The following RMST variants were observed in gnomAD, a reference collection of about 807,000 sequenced individuals.
RMST encodes the protein long intergenic non-protein coding RNA 54.
intron 5 of RMST, among the ~76,000 whole-genome samples, chr12:97,487,527 G>A (rs185469152): frequency 6.6e-5 from 10 of 152,248 alleles, no homozygotes; most frequent in Non-Finnish European, 1.2e-4. Context: ...TGAAAAGCAC[G>A]TTTGATGGAC....
At chr12:97,551,809 A>G (rs911136216) in intron 11 of RMST, 2 of 152,200 alleles carry the variant, frequency 1.3e-5, no homozygotes, top group Non-Finnish European at 1.5e-5. Flanking sequence ...GAAAAATTTA[A>G]GCCATGCTAT....
At chr12:97,476,803 G>T (rs1874602915) in intron 5 of RMST, among the ~76,000 whole-genome samples, 1 of 152,054 alleles carries the variant, frequency 6.6e-6, no homozygotes. Context: ...TAAAAAAAGA[G>T]ATATAGATAT....
At chr12:97,499,955 G>A (rs995229846) in intron 10 of RMST, among the ~76,000 whole-genome samples, 3 of 151,992 alleles carry the variant, frequency 2.0e-5, no homozygotes, top group Admixed American at 1.3e-4. Flanking sequence ...CATCATGCCC[G>A]GCCTATGTCT....
At chr12:97,516,550 T>C (rs1366203392) in intron 10 of RMST, among the ~76,000 whole-genome samples, 1 of 152,050 alleles carries the variant, frequency 6.6e-6, no homozygotes, top group Non-Finnish European at 1.5e-5. Flanking sequence ...TTTACTTTTT[T>C]CTTCATATTT....
intron 5 of RMST, among the ~76,000 whole-genome samples, chr12:97,490,225 T>C (rs1028900899): frequency 2.0e-5 from 3 of 152,144 alleles, no homozygotes; most frequent in Admixed American, 2.0e-4. Flanking sequence ...ATTCCACTCA[T>C]ATAGGAAGGA....
intron 11 of RMST, among the ~76,000 whole-genome samples, chr12:97,532,043 T>C (rs1177248172): frequency 6.6e-6 from 1 of 151,972 alleles, no homozygotes; most frequent in East Asian, 1.9e-4. Flanking sequence ...AGCCTTTCAG[T>C]GTCCAGATAA....
At chr12:97,539,003 AGTTAACT>A (rs1466899208) in intron 11 of RMST, among the ~76,000 whole-genome samples, 2 of 151,482 alleles carry the variant, frequency 1.3e-5, no homozygotes, top group Non-Finnish European at 3.0e-5. Flanking sequence ...GGGCATTATG[AGTTAACT>A]GTTTGGGCCA....
chr12:97,502,764 C>T (rs1323073929), intron 10 of RMST, among the ~76,000 whole-genome samples: 1 of 152,166 alleles, frequency 6.6e-6, no homozygotes, highest in Non-Finnish European at 1.5e-5. Flanking sequence ...TGTGGGGCCT[C>T]TATGAATGTA....
chr12:97,512,363 G>A (rs540960501), intron 10 of RMST, among the ~76,000 whole-genome samples: 1 of 152,282 alleles, frequency 6.6e-6, no homozygotes, highest in South Asian at 2.1e-4. Flanking sequence ...TCCACAGCGT[G>A]TAAGGGGACC....
intron 3 of RMST, chr12:97,462,937 TGAA>T: frequency 1.3e-5 from 2 of 152,176 alleles, no homozygotes; most frequent in African/African-American, 4.8e-5. Context: ...TCTACTCTCT[TGAA>T]GAAGGACACG....
At chr12:97,507,559 T>C (rs894429540) in intron 10 of RMST, among the ~76,000 whole-genome samples, 2 of 152,120 alleles carry the variant, frequency 1.3e-5, no homozygotes, top group Admixed American at 1.3e-4. Flanking sequence ...TGGTTGAAAA[T>C]ACCACAGTGG....
At chr12:97,548,914 T>C (rs1883129585) in intron 11 of RMST, among the ~76,000 whole-genome samples, 1 of 152,320 alleles carries the variant, frequency 6.6e-6, no homozygotes, top group South Asian at 2.1e-4. Context: ...GGAGATTGAC[T>C]TGAAAAGGTT....
At chr12:97,508,562 G>A (rs1878949652) in intron 10 of RMST, among the ~76,000 whole-genome samples, 1 of 152,350 alleles carries the variant, frequency 6.6e-6, no homozygotes, top group East Asian at 1.9e-4. Flanking sequence ...AAGCTGAGAA[G>A]ATGCAAGTGA....
chr12:97,532,144 CTG>C (rs1881684194), intron 11 of RMST, among the ~76,000 whole-genome samples: 1 of 151,858 alleles, frequency 6.6e-6, no homozygotes, highest in African/African-American at 2.4e-5. Context: ...GTAAGAAAAA[CTG>C]AAAGTGGAGA....
chr12:97,490,784 A>T (rs1226011894), intron 5 of RMST, among the ~76,000 whole-genome samples: 1 of 152,196 alleles, frequency 6.6e-6, no homozygotes, highest in African/African-American at 2.4e-5. Context: ...ATGGTAATTT[A>T]AAAAACTAAT....
intron 5 of RMST, among the ~76,000 whole-genome samples, chr12:97,480,917 C>A (rs1202961061): frequency 1.3e-5 from 2 of 152,138 alleles, no homozygotes; most frequent in African/African-American, 4.8e-5. Flanking sequence ...CTATCCTTAG[C>A]CTTATCAATA....
At chr12:97,470,734 T>C (rs892919957) in intron 5 of RMST, among the ~76,000 whole-genome samples, 4 of 152,006 alleles carry the variant, frequency 2.6e-5, no homozygotes, top group African/African-American at 9.7e-5. Flanking sequence ...AGGCCTACAA[T>C]GCTGTTAACT....
At chr12:97,479,208 T>G (rs909634394) in intron 5 of RMST, among the ~76,000 whole-genome samples, 1 of 137,868 alleles carries the variant, frequency 7.3e-6, no homozygotes, top group African/African-American at 2.7e-5. Context: ...GGCACAGTCA[T>G]AGCCCGCTGC....
chr12:97,552,661 C>T (rs1338734129), intron 11 of RMST, among the ~76,000 whole-genome samples: 1 of 152,182 alleles, frequency 6.6e-6, no homozygotes, highest in African/African-American at 2.4e-5. Flanking sequence ...TTACTCATTC[C>T]TCTACCTTTC....
Sources: gnomAD v4.1 joint callset for allele counts (sites outside exome capture counted in the v4.1 genomes callset) on GRCh38, gnomAD v4.1.1 for gene constraint, MANE v1.5 for transcripts, NCBI Gene and HGNC (gene_info 2026-07-23, HGNC 2026-07-21) for gene names.